Variants in TMEM108 observed in about 807,000 individuals in gnomAD.
The protein encoded by TMEM108 is cancer/testis antigen 124.
A neutral mutation model predicts 35.1 loss-of-function variants in TMEM108; 12 were observed. That is an observed-to-expected ratio of 0.34 (90% CI 0.22 to 0.55). The LOEUF (loss-of-function observed/expected upper bound fraction) is 0.55. Among genes scored for constraint, TMEM108 ranks in the 20% least tolerant of loss-of-function variants. The probability of loss-of-function intolerance (pLI) is 0.89; values close to 1 mark genes in which losing one functional copy is unlikely to be tolerated. For missense variants in TMEM108, 680 were observed against 753.3 expected (o/e 0.90, Z 1.14); for synonymous variants, 287 against 308.6 (o/e 0.93, Z 0.73).
intron 2 of TMEM108, among the ~76,000 whole-genome samples, chr3:133,186,956 T>C (rs1194430316): frequency 1.3e-5 from 2 of 152,162 alleles, no homozygotes; most frequent in Non-Finnish European, 2.9e-5. Context: ...TTTCTGTCAG[T>C]CAGAAAACCA....
chr3:133,242,565 T>C (rs1186964913), intron 3 of TMEM108, among the ~76,000 whole-genome samples: 1 of 152,190 alleles, frequency 6.6e-6, no homozygotes, highest in African/African-American at 2.4e-5. Flanking sequence ...GCATGTGAGC[T>C]TCAGATGAGG....
In TMEM108 at chr3:133,380,579, A is replaced by T. The variant is rs2107841206; in HGVS notation, c.868A>T (p.Thr290Ser). 6.2e-7 allele frequency: 1 copy of T among 1,613,128 alleles called. No homozygotes were observed. Residue 290 changes from threonine to serine, a missense_variant, in exon 4 of 6, where the codon ACC becomes TCC. Thr to Ser is a moderately conservative substitution (Grantham distance 58). Transcript: ENST00000321871. This position sits in a 1 kb window ranked among gnomAD's most constrained non-coding sequence, Gnocchi z 5.3. ...CAGAGCAGCCCAGGGGGGTGGTTCT[A>T]CCTTCACCAGCCAAGGAGGGACACC... ...LRRAAQGGGSTFTSQGGTPDA... is the reference protein window; with the variant it reads ...LRRAAQGGGSSFTSQGGTPDA...
intron 2 of TMEM108, among the ~76,000 whole-genome samples, chr3:133,202,887 T>C (rs1378897067): frequency 6.6e-6 from 1 of 152,230 alleles, no homozygotes; most frequent in Admixed American, 6.5e-5. Context: ...TTTGGCAGTA[T>C]GGCCATTTTC....
intron 4 of TMEM108, chr3:133,386,435 AC>A: frequency 1.3e-6 from 2 of 1,536,108 alleles, no homozygotes; most frequent in South Asian, 2.4e-5. Context: ...AGATCCTATC[AC>A]CTGAAAGCAT....
chr3:133,339,496 A>G (rs762936260), intron 3 of TMEM108, among the ~76,000 whole-genome samples: 10 of 151,946 alleles, frequency 6.6e-5, no homozygotes, highest in South Asian at 2.1e-4. Flanking sequence ...CCCCAATACA[A>G]TAATAGCTGG....
At chr3:133,371,902 A>C (rs2072687877) in intron 3 of TMEM108, among the ~76,000 whole-genome samples, 1 of 152,216 alleles carries the variant, frequency 6.6e-6, no homozygotes. Context: ...CACTTCAGAC[A>C]GGGAAACAGA....
chr3:133,300,897 C>G (rs1379504925), intron 3 of TMEM108, among the ~76,000 whole-genome samples: 1 of 151,512 alleles, frequency 6.6e-6, no homozygotes, highest in Non-Finnish European at 1.5e-5. Flanking sequence ...AGGGTCAACC[C>G]CTACCCAGAT....
rs543014129 is a variant in TMEM108, at chr3:133,066,437, G to GA, written c.-47+20425dup. On this transcript the variant is annotated intron_variant, in intron 2 of 5. Transcript: ENST00000321871. ...AGAGTGTAAGCAATAGAAGAAATAA[G>GA]AAAAAAAAGCAAGATAATAAGAATA... is the stretch of plus-strand genomic sequence containing the variant. Among the ~76,000 whole-genome samples the GA allele has an allele frequency of 1.7e-3, 258 of 151,550 alleles. 2 individuals carry two copies. The highest frequency in any genetic ancestry group is 6.1e-3 in the African/African-American group (253 of 41,408).
intron 3 of TMEM108, among the ~76,000 whole-genome samples, chr3:133,312,308 G>A (rs1385382169): frequency 6.6e-6 from 1 of 152,244 alleles, no homozygotes; most frequent in East Asian, 1.9e-4. Flanking sequence ...AGTTTCTGCT[G>A]TCTTTTGTTC....
Position 133,145,690 on chromosome 3 carries a change from A to C in TMEM108, c.-46-83576A>C, listed in dbSNP as rs562070307. Reference sequence around the variant, plus strand: ...TGAAGAGGTCCTTCACATCCCTTGTAAGTTGTATTCCTAGGTATTTTATTC... The same window carrying C: ...TGAAGAGGTCCTTCACATCCCTTGTCAGTTGTATTCCTAGGTATTTTATTC... On this transcript the variant is annotated intron_variant, in intron 2 of 5. Coordinates refer to ENST00000321871, the MANE Select transcript of TMEM108 (RefSeq NM_023943.4). Among the ~76,000 whole-genome samples, 4 of 152,254 alleles carry C rather than the reference A, an allele frequency of 2.6e-5. 1 individual carries two copies. The highest frequency in any genetic ancestry group is 9.6e-5 in the African/African-American group (4 of 41,548).
intron 2 of TMEM108, among the ~76,000 whole-genome samples, chr3:133,138,285 T>A (rs1944593047): frequency 6.6e-6 from 1 of 152,170 alleles, no homozygotes; most frequent in East Asian, 1.9e-4. Flanking sequence ...AAGGTAGAGT[T>A]TATCACCTTA....
chr3:133,339,491 A>G (rs2071599358), intron 3 of TMEM108, among the ~76,000 whole-genome samples: 1 of 151,920 alleles, frequency 6.6e-6, no homozygotes, highest in Non-Finnish European at 1.5e-5. Flanking sequence ...AGTGACCCCA[A>G]TACAATAATA....
intron 2 of TMEM108, among the ~76,000 whole-genome samples, chr3:133,190,466 G>A (rs1367739994): frequency 6.6e-6 from 1 of 152,208 alleles, no homozygotes; most frequent in African/African-American, 2.4e-5. Flanking sequence ...GAAATGGGGT[G>A]AAGGAGGAGG....
chr3:133,150,613 G>T (rs747475998), intron 2 of TMEM108, among the ~76,000 whole-genome samples: 1 of 151,886 alleles, frequency 6.6e-6, no homozygotes, highest in Non-Finnish European at 1.5e-5. Context: ...TCATCTACTT[G>T]AATAGTAAGA....
At chr3:133,132,515 A>G (rs754605973) in intron 2 of TMEM108, among the ~76,000 whole-genome samples, 5 of 152,138 alleles carry the variant, frequency 3.3e-5, no homozygotes, top group Non-Finnish European at 2.9e-5. Context: ...CACTGTGGAC[A>G]CTCACTGCTC....
intron 4 of TMEM108, among the ~76,000 whole-genome samples, chr3:133,385,498 C>G (rs1033725754): frequency 1.3e-5 from 2 of 152,178 alleles, no homozygotes; most frequent in Admixed American, 6.5e-5. Context: ...CCCTCCATAC[C>G]CTGAGGCCTC....
chr3:133,340,556 T>C (rs1366034805), intron 3 of TMEM108, among the ~76,000 whole-genome samples: 1 of 151,530 alleles, frequency 6.6e-6, no homozygotes, highest in Non-Finnish European at 1.5e-5. Context: ...ACTTCCGAAC[T>C]CATTCTATAA....
intron 3 of TMEM108, among the ~76,000 whole-genome samples, chr3:133,271,441 T>C (rs1946769963): frequency 6.6e-6 from 1 of 152,238 alleles, no homozygotes; most frequent in South Asian, 2.1e-4. Context: ...GGCTGTCATT[T>C]TTGACTAGGA....
intron 2 of TMEM108, among the ~76,000 whole-genome samples, chr3:133,104,666 AG>A (rs1944127837): frequency 6.6e-6 from 1 of 152,190 alleles, no homozygotes; most frequent in Non-Finnish European, 1.5e-5. Flanking sequence ...GGGATCCATC[AG>A]GGTCCTACAG....
Sources: gnomAD v4.1 joint callset for allele counts (sites outside exome capture counted in the v4.1 genomes callset) on GRCh38, gnomAD v4.1.1 for gene constraint, Gnocchi (gnomAD v3.1) non-coding constraint, MANE v1.5 for transcripts, NCBI Gene and HGNC (gene_info 2026-07-23, HGNC 2026-07-21) for gene names.